The following C19orf47 variants were observed in gnomAD, a reference collection of about 807,000 sequenced individuals.
C19orf47 encodes uncharacterized protein C19orf47.
Under a neutral mutation model 32.3 loss-of-function variants are expected in C19orf47, and 18 were observed. That is an observed-to-expected ratio of 0.56 (90% confidence interval 0.39 to 0.83). C19orf47 has a LOEUF of 0.83. Ranked by LOEUF, C19orf47 falls within the 40% of genes least tolerant of loss-of-function variation. The probability of loss-of-function intolerance (pLI) is 0.00; values close to 1 mark genes in which losing one functional copy is unlikely to be tolerated. For synonymous variants in C19orf47, 202 were observed against 211.1 expected, an observed-to-expected ratio of 0.96 and a Z score of 0.37; for missense variants, 484 against 531.6, an observed-to-expected ratio of 0.91 and a Z score of 0.88.
the C19orf47 span, among the ~76,000 whole-genome samples, chr19:40,308,402 GC>G: frequency 1.3e-5 from 2 of 151,576 alleles, no homozygotes; most frequent in Non-Finnish European, 2.9e-5. Flanking sequence ...TGATCTGCCC[GC>G]CTCAGCCTCC....
chr19:40,317,807 C>T (rs1037850837), downstream of C19orf47, among the ~76,000 whole-genome samples: 6 of 151,958 alleles, frequency 3.9e-5, no homozygotes, highest in African/African-American at 1.5e-4. Flanking sequence ...GCAACCTCCG[C>T]CTCCTGGGTT....
chr19:40,330,373 C>T (rs549587945), intron 5 of C19orf47, among the ~76,000 whole-genome samples: 3 of 151,706 alleles, frequency 2.0e-5, no homozygotes, highest in South Asian at 2.1e-4. Flanking sequence ...GGACTACAGG[C>T]GCCCATCACC....
chr19:40,340,547 G>A (rs2078156521), intron 2 of C19orf47, among the ~76,000 whole-genome samples: 1 of 151,760 alleles, frequency 6.6e-6, no homozygotes, highest in Non-Finnish European at 1.5e-5. Context: ...TGGGCGTGGT[G>A]GCACGTGCCT....
Position 40,348,329 on chromosome 19 carries a change from C to T in C19orf47, c.-39G>A, listed in dbSNP as rs2078372724. The stretch of plus-strand genomic sequence containing the variant: ...ACCCCCGGCCCGCGCCTCACCTGGC[C>T]CACCGGGCCCGCGCCCACTCGCGCC... On this transcript the variant is annotated 5_prime_UTR_variant, in exon 1 of 9. Coordinates refer to ENST00000683109, the MANE Select transcript of C19orf47 (RefSeq NM_001256441.2). 3 of 1,356,934 alleles carry T rather than the reference C, an allele frequency of 2.2e-6. No individual in the cohort carries two copies. Among genetic ancestry groups the T allele is most frequent in the East Asian group, 6.3e-5 (2 of 31,940 alleles). 84.1% of individuals were successfully genotyped at this position (1,356,934 alleles called of 1,614,324 possible). A position where few individuals can be genotyped will look rare whatever the true frequency, so the allele number is the denominator to read the frequency against.
At chr19:40,334,408 C>T (rs2078017484) in intron 4 of C19orf47, among the ~76,000 whole-genome samples, 1 of 152,056 alleles carries the variant, frequency 6.6e-6, no homozygotes, top group South Asian at 2.1e-4. Flanking sequence ...GTGATTGTAC[C>T]ACTGCATTCT....
At chr19:40,329,790 A>C (rs943467939) in intron 5 of C19orf47, among the ~76,000 whole-genome samples, 1 of 152,182 alleles carries the variant, frequency 6.6e-6, no homozygotes, top group African/African-American at 2.4e-5. Context: ...CTCTCTGGCT[A>C]TGCAGAATCT....
chr19:40,307,455 G>A, the C19orf47 span, among the ~76,000 whole-genome samples: 1 of 152,116 alleles, frequency 6.6e-6, no homozygotes, highest in East Asian at 1.9e-4. Context: ...CTGGAATGCA[G>A]TGGCATGAGC....
At chr19:40,293,302 C>G in the C19orf47 span, among the ~76,000 whole-genome samples, 504 of 151,028 alleles carry the variant, frequency 3.3e-3, 4 homozygotes, top group African/African-American at 0.011. Flanking sequence ...CATGCCACCA[C>G]GCCTGGCCAA....
At chr19:40,328,648 A>T in intron 5 of C19orf47, 98 bp from the exon 6 acceptor site, 1 of 1,439,248 alleles carries the variant, frequency 6.9e-7, no homozygotes, top group South Asian at 1.4e-5. Flanking sequence ...GAGGCTTGAG[A>T]CTGAATGAGA....
chr19:40,345,447 C>T (rs1337219524), intron 1 of C19orf47, among the ~76,000 whole-genome samples: 1 of 151,524 alleles, frequency 6.6e-6, no homozygotes, highest in Non-Finnish European at 1.5e-5. Context: ...ACCTGTAGTC[C>T]CAGCACTTTG....
intron 7 of C19orf47, 27 bp downstream of exon 7, chr19:40,326,307 G>A (rs1299488349): frequency 1.2e-6 from 2 of 1,613,286 alleles, no homozygotes; most frequent in South Asian, 1.1e-5. Flanking sequence ...GACCCCGCAG[G>A]GAAGCATGCC....
At chr19:40,335,999 C>T in intron 4 of C19orf47, 111 bp downstream of exon 4, 1 of 881,988 alleles carries the variant, frequency 1.1e-6, no homozygotes, top group South Asian at 1.5e-5. Context: ...CTGAACCAGC[C>T]CTGGAACCTG....
the C19orf47 span, among the ~76,000 whole-genome samples, chr19:40,306,459 G>A: frequency 1.3e-5 from 2 of 151,946 alleles, no homozygotes; most frequent in African/African-American, 4.8e-5. Flanking sequence ...CTGGAGCGCA[G>A]TGGCGAGATC....
chr19:40,345,848 CAAAAAAAAAAA>C (rs35848570), intron 1 of C19orf47, among the ~76,000 whole-genome samples: 1 of 75,242 alleles, frequency 1.3e-5, no homozygotes, highest in African/African-American at 5.9e-5. Context: ...GACTCAGTCT[CAAAAAAAAAAA>C]AAAAAAAAGG....
the C19orf47 span, among the ~76,000 whole-genome samples, chr19:40,306,890 C>T: frequency 3.4e-5 from 5 of 146,666 alleles, no homozygotes; most frequent in East Asian, 8.3e-4. Context: ...CCGGGGTTCA[C>T]GCCATTCTCC....
chr19:40,309,127 TCTC>T, the C19orf47 span, among the ~76,000 whole-genome samples: 1 of 151,960 alleles, frequency 6.6e-6, no homozygotes. Context: ...AATTCTGATT[TCTC>T]CTCCAGTGAT....
At chr19:40,306,768 T>C in the C19orf47 span, among the ~76,000 whole-genome samples, 37,206 of 149,348 alleles carry the variant, frequency 0.25, 4,743 homozygotes, top group Middle Eastern at 0.29. Flanking sequence ...AGTTATTTTA[T>C]AGCCTGTAAG....
At chr19:40,338,891 G>T (rs1268101125) in intron 2 of C19orf47, among the ~76,000 whole-genome samples, 1 of 152,116 alleles carries the variant, frequency 6.6e-6, no homozygotes, top group African/African-American at 2.4e-5. Flanking sequence ...ACAACTCTGT[G>T]AACAGATAAT....
chr19:40,348,356 C>G lies in C19orf47; in HGVS notation c.-66G>C, dbSNP rs1294291032. ...ACCGGGCCCGCGCCCACTCGCGCCGCCCGCCCTCCCTCCCGGCGGCGCCAA... is the reference window on the plus strand; with the variant it reads ...ACCGGGCCCGCGCCCACTCGCGCCGGCCGCCCTCCCTCCCGGCGGCGCCAA... On this transcript the variant is annotated 5_prime_UTR_variant, in exon 1 of 9. Coordinates refer to ENST00000683109, the MANE Select transcript of C19orf47 (RefSeq NM_001256441.2). The G allele has an allele frequency of 5.8e-6, 8 of 1,390,942 alleles. No homozygotes were observed. Among genetic ancestry groups the G allele is most frequent in the Non-Finnish European group, 7.5e-6 (8 of 1,072,380 alleles). 86.2% of individuals were successfully genotyped at this position (1,390,942 alleles called of 1,614,324 possible).
Sources: allele counts gnomAD v4.1 joint callset (sites outside exome capture counted in the v4.1 genomes callset), GRCh38; gene constraint gnomAD v4.1.1; transcripts MANE v1.5; gene names NCBI Gene and HGNC (gene_info 2026-07-23, HGNC 2026-07-21).